Variants in DNAH7 observed in about 807,000 individuals in gnomAD.
DNAH7 encodes the protein dynein axonemal heavy chain 7.
Under a neutral mutation model 444.6 loss-of-function variants are expected in DNAH7, and 397 were observed. The ratio of observed to expected loss-of-function variants is 0.89; its 90% CI spans 0.82 to 0.97. The LOEUF is 0.97. Among genes scored for constraint, DNAH7 ranks in the 50% least tolerant of loss-of-function variants. The pLI, the probability that DNAH7 is intolerant of heterozygous loss-of-function variation, is 0.00. For missense variants in DNAH7, 4,902 were observed against 4,800.8 expected, an observed-to-expected ratio of 1.02 and a Z score of -0.62; for synonymous variants, 1,636 against 1,624.4, an observed-to-expected ratio of 1.01 and a Z score of -0.17.
intron 37 of DNAH7, 62 bp downstream of exon 37, chr2:195,876,482 T>G: frequency 6.7e-7 from 1 of 1,482,696 alleles, no homozygotes; most frequent in African/African-American, 1.4e-5. Flanking sequence ...ATATTTGGTT[T>G]CCTTGTTCCA....
At chr2:195,867,832 G>C (rs1700435295) in intron 40 of DNAH7, among the ~76,000 whole-genome samples, 1 of 152,120 alleles carries the variant, frequency 6.6e-6, no homozygotes, top group Non-Finnish European at 1.5e-5. Flanking sequence ...CTCATCAGCT[G>C]ATGGATATTT....
intron 61 of DNAH7, among the ~76,000 whole-genome samples, chr2:195,767,342 T>C (rs1559081735): frequency 6.6e-6 from 1 of 152,084 alleles, no homozygotes; most frequent in African/African-American, 2.4e-5. Flanking sequence ...TTATAGTTTT[T>C]ATATAGTCAT....
intron 64 of DNAH7, 131 bp from the exon 65 acceptor site, chr2:195,738,258 A>T (rs1482422803): frequency 1.3e-6 from 1 of 753,974 alleles, no homozygotes; most frequent in African/African-American, 1.7e-5. Flanking sequence ...TATTTTCACC[A>T]GCAGTGTTGT....
Position 195,737,708 on chromosome 2 carries a change from G to T in DNAH7, c.*213C>A, listed in dbSNP as rs1692711567. 2.2e-6 allele frequency: 1 copy of T among 447,412 alleles called. No homozygotes were observed. Among genetic ancestry groups the T allele is most frequent in the Non-Finnish European group, 4.0e-6 (1 of 249,230 alleles). 27.7% of individuals were successfully genotyped at this position (447,412 alleles called of 1,614,324 possible). A position where few individuals can be genotyped will look rare whatever the true frequency, so the allele number is the denominator to read the frequency against. On this transcript the variant is annotated 3_prime_UTR_variant, in exon 65 of 65. Transcript: ENST00000312428. ...TTACTCAAAGAGAGCAAATATGCCA[G>T]TGTGTTTTCTTTAGTCTTTATTTCA...
At chr2:195,832,906 A>C (rs74866885) in intron 48 of DNAH7, among the ~76,000 whole-genome samples, 1 of 152,158 alleles carries the variant, frequency 6.6e-6, no homozygotes, top group African/African-American at 2.4e-5. Flanking sequence ...ATCAATAGAC[A>C]CCGCTGTAAG....
rs370432693 is a variant in DNAH7 at position 195,798,836 on chromosome 2, G to A, written c.10353+460C>T. 4.6e-5 allele frequency among the ~76,000 whole-genome samples: 7 copies of A among 152,082 alleles called. 1 individual carries two copies. The South Asian group carries it at 1.0e-3, about 23-fold the overall frequency. On this transcript the variant is annotated intron_variant, in intron 55 of 64. Coordinates refer to ENST00000312428, the MANE Select transcript of DNAH7 (RefSeq NM_018897.3). The stretch of plus-strand genomic sequence containing the variant: ...GTTGGGATTACAGGTGTGAGCCACC[G>A]TGCCTGGCCAGAACATATTTTAATC...
At chr2:196,027,654 T>C (rs567775104) in intron 6 of DNAH7, among the ~76,000 whole-genome samples, 1 of 152,180 alleles carries the variant, frequency 6.6e-6, no homozygotes, top group East Asian at 1.9e-4. Flanking sequence ...AAATATACAT[T>C]ATATAATTAT....
chr2:195,940,148 C>A lies in DNAH7; in HGVS notation c.3079-3356G>T, dbSNP rs1402874229. Among the ~76,000 whole-genome samples the A allele has an allele frequency of 2.6e-5, 4 of 152,276 alleles. No homozygotes were observed. The East Asian group carries it at 5.8e-4, about 22-fold the overall frequency. ...TACTACAAGGCTACAGTAACCAAAA[C>A]AGCATGGTACTGGTACCAAAACAGA... On this transcript the variant is annotated intron_variant, in intron 19 of 64. Coordinates refer to ENST00000312428, the MANE Select transcript of DNAH7 (RefSeq NM_018897.3).
chr2:195,955,464 C>T (rs1228677909), intron 19 of DNAH7, among the ~76,000 whole-genome samples: 2 of 152,118 alleles, frequency 1.3e-5, no homozygotes, highest in Non-Finnish European at 2.9e-5. Context: ...AGCATGATGC[C>T]TCCAGCTTTG....
intron 8 of DNAH7, among the ~76,000 whole-genome samples, chr2:196,019,864 C>G (rs906929512): frequency 6.6e-6 from 1 of 152,042 alleles, no homozygotes; most frequent in Non-Finnish European, 1.5e-5. Flanking sequence ...TTGAACTGTG[C>G]ACATCAACTT....
At chr2:195,987,566 G>T (rs1519613) in intron 13 of DNAH7, among the ~76,000 whole-genome samples, 1 of 151,802 alleles carries the variant, frequency 6.6e-6, no homozygotes, top group Non-Finnish European at 1.5e-5. Flanking sequence ...AAGGGGGACA[G>T]AAAAGAAAAT....
chr2:196,019,796 A>T (rs143878282), intron 8 of DNAH7, among the ~76,000 whole-genome samples: 3,058 of 152,334 alleles, frequency 0.02, 47 homozygotes, highest in Non-Finnish European at 0.03. Flanking sequence ...TATAAATCAC[A>T]AACACTAACG....
intron 47 of DNAH7, among the ~76,000 whole-genome samples, chr2:195,835,613 A>G (rs780872346): frequency 3.3e-5 from 5 of 152,116 alleles, no homozygotes; most frequent in Non-Finnish European, 5.9e-5. Flanking sequence ...TCGGAGGCCG[A>G]GGTAGGCGGA....
At chr2:195,868,089 CTTTTTTTTTT>C (rs58317384) in intron 40 of DNAH7, among the ~76,000 whole-genome samples, 4 of 101,058 alleles carry the variant, frequency 4.0e-5, no homozygotes, top group African/African-American at 1.2e-4. Flanking sequence ...TATTATTCAT[CTTTTTTTTTT>C]TTTTTTTTTT....
rs551580553 is a variant in DNAH7 at position 195,817,905 on chromosome 2, G to T, written c.9292-76C>A. 1.0e-5 allele frequency: 12 copies of T among 1,182,350 alleles called. No individual in the cohort carries two copies. In the East Asian group the frequency reaches 2.6e-4, roughly 25 times the overall value. 73.2% of individuals were successfully genotyped at this position (1,182,350 alleles called of 1,614,324 possible). ...TCTCTGCTTTTATGTGTCAAGTTCT[G>T]CCCTTAAAATAGACTCTATTTACTA... is the stretch of plus-strand genomic sequence containing the variant. On this transcript the variant is annotated intron_variant, in intron 49 of 64. Coordinates refer to ENST00000312428, the MANE Select transcript of DNAH7 (RefSeq NM_018897.3).
At chr2:195,934,248 A>G (rs1166310743) in intron 21 of DNAH7, among the ~76,000 whole-genome samples, 5 of 152,218 alleles carry the variant, frequency 3.3e-5, no homozygotes, top group Non-Finnish European at 7.3e-5. Flanking sequence ...GTGATCATGT[A>G]GAGAGGTGCT....
intron 19 of DNAH7, among the ~76,000 whole-genome samples, chr2:195,947,578 A>C (rs1250266791): frequency 6.6e-6 from 1 of 152,078 alleles, no homozygotes; most frequent in Non-Finnish European, 1.5e-5. Flanking sequence ...TTTGCTGAAA[A>C]TGATGGTTTC....
chr2:195,933,186 C>T (rs1358494376), intron 21 of DNAH7, among the ~76,000 whole-genome samples: 3 of 152,156 alleles, frequency 2.0e-5, no homozygotes, highest in Non-Finnish European at 4.4e-5. Context: ...AAATGCAAAT[C>T]AAAACCACAA....
At chr2:195,791,564 C>A (rs1695880574) in intron 57 of DNAH7, among the ~76,000 whole-genome samples, 1 of 151,946 alleles carries the variant, frequency 6.6e-6, no homozygotes, top group Admixed American at 6.6e-5. Flanking sequence ...GTGTGTATAT[C>A]CAGAGAAGAT....
Sources: allele counts gnomAD v4.1 joint callset (sites outside exome capture counted in the v4.1 genomes callset), GRCh38; gene constraint gnomAD v4.1.1; transcripts MANE v1.5; gene names NCBI Gene and HGNC (gene_info 2026-07-23, HGNC 2026-07-21).